Variants in ADAMTSL1 observed in about 807,000 individuals in gnomAD.
The protein encoded by ADAMTSL1 is ADAMTS like 1, also known as ADAMTS-like protein 1.
Under a neutral mutation model 201.8 loss-of-function variants are expected in ADAMTSL1, and 126 were observed. The observed-to-expected ratio is 0.62, with a 90% CI of 0.54 to 0.72. The LOEUF is 0.72. Ranked by LOEUF, ADAMTSL1 falls within the 30% of genes least tolerant of loss-of-function variation. The pLI is 0.00. For missense variants in ADAMTSL1, 2,679 were observed against 2,277.8 expected, an observed-to-expected ratio of 1.18 and a Z score of -3.59; for synonymous variants, 1,121 against 903.4, an observed-to-expected ratio of 1.24 and a Z score of -4.32.
chr9:18,161,108 G>A (rs963731035), intron 1 of ADAMTSL1, among the ~76,000 whole-genome samples: 7 of 151,720 alleles, frequency 4.6e-5, no homozygotes, highest in Admixed American at 1.3e-4. Flanking sequence ...GCATTTCTTG[G>A]GAAATACAAG....
chr9:17,975,681 A>C (rs1323695513), intron 1 of ADAMTSL1, among the ~76,000 whole-genome samples: 1 of 152,044 alleles, frequency 6.6e-6, no homozygotes, highest in South Asian at 2.1e-4. Context: ...TCTGTAGGCC[A>C]TTTTGTTGAT....
intron 1 of ADAMTSL1, among the ~76,000 whole-genome samples, chr9:18,161,063 A>G (rs77468024): frequency 0.016 from 2,441 of 151,972 alleles, 57 homozygotes; most frequent in African/African-American, 0.054. Context: ...TAAATTGAAC[A>G]TCTTGATATG....
chr9:18,892,568 T>A lies in ADAMTSL1; in HGVS notation c.4823T>A (p.Val1608Glu), dbSNP rs773347156. 7.0e-6 allele frequency: 11 copies of A among 1,570,326 alleles called. No individual in the cohort carries two copies. The highest frequency in any genetic ancestry group is 8.6e-6 in the Non-Finnish European group (10 of 1,157,438). Residue 1608 changes from valine to glutamate, a missense_variant, in exon 26 of 29, where the codon GTG becomes GAG. Transcript: ENST00000380548. ...DTQACNQQLC[V>E]EWAFSSWGQC... ...CAGGCCTGTAACCAGCAGCTGTGTG[T>A]GGAGTGGGCCTTCTCCAGCTGGGGC...
At chr9:18,778,415 C>G (rs1173750950) in intron 19 of ADAMTSL1, among the ~76,000 whole-genome samples, 1 of 152,230 alleles carries the variant, frequency 6.6e-6, no homozygotes, top group African/African-American at 2.4e-5. Flanking sequence ...TTCCAGAAAG[C>G]TTTTATTCCC....
chr9:18,099,170 C>A (rs571998468), intron 1 of ADAMTSL1, among the ~76,000 whole-genome samples: 9 of 148,700 alleles, frequency 6.1e-5, no homozygotes, highest in Non-Finnish European at 1.2e-4. Flanking sequence ...ATCCACGTTG[C>A]TGGATGTAAA....
At chr9:18,158,441 G>A (rs991790539) in intron 1 of ADAMTSL1, among the ~76,000 whole-genome samples, 2 of 151,700 alleles carry the variant, frequency 1.3e-5, no homozygotes, top group Admixed American at 1.3e-4. Flanking sequence ...TTGGATTAAC[G>A]GAAAGAGGCC....
At chr9:18,114,407 G>A (rs939998089) in intron 1 of ADAMTSL1, among the ~76,000 whole-genome samples, 1 of 152,118 alleles carries the variant, frequency 6.6e-6, no homozygotes, top group African/African-American at 2.4e-5. Context: ...AATTTAAAAT[G>A]AGCCAAACTT....
intron 3 of ADAMTSL1, among the ~76,000 whole-genome samples, chr9:18,559,323 G>T (rs904662182): frequency 7.2e-5 from 11 of 152,264 alleles, no homozygotes; most frequent in African/African-American, 2.6e-4. Context: ...TTGTAGATTT[G>T]TGGTGGTATT....
intron 2 of ADAMTSL1, among the ~76,000 whole-genome samples, chr9:18,376,470 C>T (rs1162903976): frequency 6.6e-6 from 1 of 152,084 alleles, no homozygotes; most frequent in Non-Finnish European, 1.5e-5. Context: ...GAATTGCAAA[C>T]AGCTGTTCAC....
chr9:18,225,254 A>G (rs1340918501), intron 2 of ADAMTSL1, among the ~76,000 whole-genome samples: 1 of 152,162 alleles, frequency 6.6e-6, no homozygotes, highest in African/African-American at 2.4e-5. Context: ...AGTGTGCTAA[A>G]TTTCTCAGGA....
intron 15 of ADAMTSL1, chr9:18,723,031 T>A (rs752892172): frequency 1.3e-6 from 1 of 779,956 alleles, no homozygotes; most frequent in Non-Finnish European, 2.4e-6. Context: ...CAGTATCGAC[T>A]CAGCATGGAA....
At chr9:18,007,864 G>T (rs1563946098) in intron 1 of ADAMTSL1, among the ~76,000 whole-genome samples, 1 of 151,944 alleles carries the variant, frequency 6.6e-6, no homozygotes, top group African/African-American at 2.4e-5. Flanking sequence ...AGTGAAGCCT[G>T]CAAAACTTGC....
At chr9:18,170,160 C>A (rs141877532) in intron 2 of ADAMTSL1, among the ~76,000 whole-genome samples, 1 of 151,940 alleles carries the variant, frequency 6.6e-6, no homozygotes, top group South Asian at 2.1e-4. Context: ...CTACCAGTAA[C>A]GAACTATATA....
chr9:18,582,781 G>A (rs1165555781), intron 4 of ADAMTSL1, among the ~76,000 whole-genome samples: 17 of 151,614 alleles, frequency 1.1e-4, no homozygotes, highest in African/African-American at 2.9e-4. Context: ...CCAGGGAGGC[G>A]GAGGTTGCAG....
At chr9:18,249,746 T>G (rs1831393286) in intron 2 of ADAMTSL1, among the ~76,000 whole-genome samples, 1 of 152,216 alleles carries the variant, frequency 6.6e-6, no homozygotes, top group Non-Finnish European at 1.5e-5. Context: ...CTCATGTTAC[T>G]CTCAACCAAA....
chr9:18,545,489 C>G (rs1820416903), intron 3 of ADAMTSL1, among the ~76,000 whole-genome samples: 1 of 151,900 alleles, frequency 6.6e-6, no homozygotes, highest in Non-Finnish European at 1.5e-5. Context: ...GATATTCAAA[C>G]AAGTCTATTA....
intron 2 of ADAMTSL1, among the ~76,000 whole-genome samples, chr9:18,246,698 G>C (rs1376465489): frequency 2.0e-5 from 3 of 152,120 alleles, no homozygotes; most frequent in African/African-American, 4.8e-5. Flanking sequence ...TGACATATCT[G>C]AGATAATACT....
At chr9:18,447,890 A>C (rs905276894) in intron 2 of ADAMTSL1, among the ~76,000 whole-genome samples, 14 of 152,220 alleles carry the variant, frequency 9.2e-5, no homozygotes, top group Non-Finnish European at 1.3e-4. Context: ...GGTGTCGAGC[A>C]CACATGGTTG....
At chr9:18,107,617 T>C (rs555017303) in intron 1 of ADAMTSL1, among the ~76,000 whole-genome samples, 1 of 152,192 alleles carries the variant, frequency 6.6e-6, no homozygotes, top group Non-Finnish European at 1.5e-5. Context: ...GAAAAAGAAA[T>C]AGTTTAGAGA....
Sources: allele counts gnomAD v4.1 joint callset (sites outside exome capture counted in the v4.1 genomes callset), GRCh38; gene constraint gnomAD v4.1.1; transcripts MANE v1.5; gene names NCBI Gene and HGNC (gene_info 2026-07-23, HGNC 2026-07-21).